Variants in CAMK1D observed in about 807,000 individuals in gnomAD.
CAMK1D encodes calcium/calmodulin-dependent protein kinase type 1D.
Under a neutral mutation model 47.7 loss-of-function variants are expected in CAMK1D, and 9 were observed. That is an observed-to-expected ratio of 0.19 (90% CI 0.11 to 0.33). The LOEUF (loss-of-function observed/expected upper bound fraction) is 0.33. Ranked by LOEUF, CAMK1D falls within the 10% of genes least tolerant of loss-of-function variation. The probability of loss-of-function intolerance (pLI) is 1.00; values close to 1 mark genes in which losing one functional copy is unlikely to be tolerated. For synonymous variants in CAMK1D, 184 were observed against 184.9 expected, an observed-to-expected ratio of 0.99 and a Z score of 0.04; for missense variants, 291 against 488.7, an observed-to-expected ratio of 0.60 and a Z score of 3.81.
At chr10:12,659,393 A>G (rs1219396224) in intron 2 of CAMK1D, among the ~76,000 whole-genome samples, 2 of 152,198 alleles carry the variant, frequency 1.3e-5, no homozygotes, top group Non-Finnish European at 2.9e-5. Context: ...AGTGATTATA[A>G]ACTGTGAGTG....
intron 1 of CAMK1D, among the ~76,000 whole-genome samples, chr10:12,542,776 T>G (rs1836237793): frequency 6.6e-6 from 1 of 152,246 alleles, no homozygotes; most frequent in Non-Finnish European, 1.5e-5. Context: ...CGAGTCTCGC[T>G]CTGTCGCCCA....
intron 1 of CAMK1D, among the ~76,000 whole-genome samples, chr10:12,544,644 G>A (rs994072360): frequency 6.6e-6 from 1 of 152,226 alleles, no homozygotes. Context: ...GCACAGGCTT[G>A]CATTGAAACT....
At position 12,531,176 on chromosome 10, in the gene CAMK1D, A is replaced by G. The variant is rs147717216; in HGVS notation, c.93-22049A>G. Among the ~76,000 whole-genome samples, 354 of 152,272 alleles carry G rather than the reference A, an allele frequency of 2.3e-3. 3 individuals are homozygous for G. The highest frequency in any genetic ancestry group is 8.2e-3 in the African/African-American group (341 of 41,556). On this transcript the variant is annotated intron_variant, in intron 1 of 10. Coordinates refer to ENST00000619168, the MANE Select transcript of CAMK1D (RefSeq NM_153498.4). ...AATAAACCAGGCAGCATATGCCTTCACAGAGTTTTTATTCACATCAGTATT... is the reference window on the plus strand; with the variant it reads ...AATAAACCAGGCAGCATATGCCTTCGCAGAGTTTTTATTCACATCAGTATT...
chr10:12,735,936 G>A (rs1216319806), intron 3 of CAMK1D, among the ~76,000 whole-genome samples: 1 of 152,208 alleles, frequency 6.6e-6, no homozygotes, highest in Non-Finnish European at 1.5e-5. Context: ...AAATTCCACT[G>A]TAGGCACATG....
At position 12,727,976 on chromosome 10, in the gene CAMK1D, G is replaced by A. The variant is rs187937647; in HGVS notation, c.300-32972G>A. ...AGACGGGATTTCACCATGCTGGCCG[G>A]GCTGGTCTCGGACTCCTGACCTCCA... is the stretch of plus-strand genomic sequence containing the variant. On this transcript the variant is annotated intron_variant, in intron 3 of 10. Coordinates refer to ENST00000619168, the MANE Select transcript of CAMK1D (RefSeq NM_153498.4). Among the ~76,000 whole-genome samples the A allele has an allele frequency of 8.8e-4, 134 of 152,226 alleles. 1 individual carries two copies. In the Middle Eastern group the frequency reaches 0.014, roughly 15 times the overall value.
At chr10:12,810,276 C>CTT (rs36022032) in intron 6 of CAMK1D, among the ~76,000 whole-genome samples, 26,551 of 126,130 alleles carry the variant, frequency 0.21, 3,631 homozygotes, top group Admixed American at 0.29. Context: ...CCTAGCACCA[C>CTT]TTTTTTTTTT....
chr10:12,764,346 A>C (rs1836643095), intron 4 of CAMK1D, among the ~76,000 whole-genome samples: 1 of 124,524 alleles, frequency 8.0e-6, no homozygotes, highest in African/African-American at 3.0e-5. Context: ...GCACCATTGC[A>C]CTCCAGTCTG....
At chr10:12,728,527 A>G (rs1834755723) in intron 3 of CAMK1D, among the ~76,000 whole-genome samples, 1 of 149,722 alleles carries the variant, frequency 6.7e-6, no homozygotes, top group Non-Finnish European at 1.5e-5. Flanking sequence ...GTGTTTAGAA[A>G]CTGCAGGTTG....
intron 2 of CAMK1D, among the ~76,000 whole-genome samples, chr10:12,561,801 T>C (rs1240874898): frequency 6.6e-6 from 1 of 152,242 alleles, no homozygotes; most frequent in Non-Finnish European, 1.5e-5. Flanking sequence ...TGGTTTGAGA[T>C]CCAGAATCAA....
chr10:12,638,865 G>C (rs1321584872), intron 2 of CAMK1D, among the ~76,000 whole-genome samples: 3 of 152,142 alleles, frequency 2.0e-5, no homozygotes, highest in Admixed American at 2.0e-4. Flanking sequence ...GTGGAAAGGC[G>C]TTCACCTCCG....
intron 2 of CAMK1D, among the ~76,000 whole-genome samples, chr10:12,654,947 G>A (rs957841210): frequency 7.9e-5 from 12 of 152,104 alleles, no homozygotes; most frequent in African/African-American, 1.9e-4. Flanking sequence ...AGGCCACGCC[G>A]CAGGCCAATC....
At chr10:12,371,609 C>CT (rs1176397192) in intron 1 of CAMK1D, among the ~76,000 whole-genome samples, 2 of 143,400 alleles carry the variant, frequency 1.4e-5, no homozygotes, top group African/African-American at 5.1e-5. Context: ...CAAAAAAAAA[C>CT]TTTTTTGGCT....
At position 12,357,627 on chromosome 10, in the gene CAMK1D, T is replaced by C. The variant is rs1301260681; in HGVS notation, c.92+7717T>C. 2.0e-5 allele frequency among the ~76,000 whole-genome samples: 3 copies of C among 152,206 alleles called. No homozygotes were observed. In the East Asian group the frequency reaches 5.8e-4, roughly 29 times the overall value. The stretch of plus-strand genomic sequence containing the variant: ...CACTGCACTCGGCCATTATGTTTCT[T>C]TAATTAATGAAGGAACTGCTTATAG... On this transcript the variant is annotated intron_variant, in intron 1 of 10. Coordinates refer to ENST00000619168, the MANE Select transcript of CAMK1D (RefSeq NM_153498.4).
intron 7 of CAMK1D, among the ~76,000 whole-genome samples, chr10:12,815,601 G>A (rs898708180): frequency 1.3e-5 from 2 of 152,266 alleles, no homozygotes; most frequent in Non-Finnish European, 2.9e-5. Flanking sequence ...AGTGCAGCAG[G>A]TTTGGGGCCT....
intron 1 of CAMK1D, among the ~76,000 whole-genome samples, chr10:12,442,399 T>G (rs1419402889): frequency 6.6e-6 from 1 of 152,066 alleles, no homozygotes; most frequent in Non-Finnish European, 1.5e-5. Context: ...GAGAATGGCG[T>G]GAACCCGGGA....
chr10:12,703,717 A>C (rs537993824), intron 3 of CAMK1D, among the ~76,000 whole-genome samples: 48 of 152,180 alleles, frequency 3.2e-4, no homozygotes, highest in Admixed American at 2.0e-3. Flanking sequence ...GAAAATACAA[A>C]AATTAACCAG....
In CAMK1D at chr10:12,632,870, T is replaced by G. The variant is rs113474226; in HGVS notation, c.225-33866T>G. On this transcript the variant is annotated intron_variant, in intron 2 of 10. Coordinates refer to ENST00000619168, the MANE Select transcript of CAMK1D (RefSeq NM_153498.4). ...CCACCACGCCCAGCTAATTTTTGTA[T>G]TTTTAATAGAGACGAGGTTTCACCG... Among the ~76,000 whole-genome samples, 136 of 152,274 alleles carry G rather than the reference T, an allele frequency of 8.9e-4. 1 individual carries two copies. The highest frequency in any genetic ancestry group is 3.2e-3 in the African/African-American group (132 of 41,556).
chr10:12,826,917 C>T (rs1035025945), intron 10 of CAMK1D, among the ~76,000 whole-genome samples: 16 of 152,208 alleles, frequency 1.1e-4, no homozygotes, highest in Non-Finnish European at 1.8e-4. Flanking sequence ...GGCTGTTTGT[C>T]CCCATGTCTG....
intron 1 of CAMK1D, among the ~76,000 whole-genome samples, chr10:12,514,966 T>G (rs989824170): frequency 1.3e-5 from 2 of 152,178 alleles, no homozygotes; most frequent in African/African-American, 4.8e-5. Context: ...TTCTCCTGCC[T>G]CAGCCTCCTG....
Sources: allele counts gnomAD v4.1 joint callset (sites outside exome capture counted in the v4.1 genomes callset), GRCh38; gene constraint gnomAD v4.1.1; transcripts MANE v1.5; gene names NCBI Gene and HGNC (gene_info 2026-07-23, HGNC 2026-07-21).